DENND6A: variants seen among roughly 807,000 people sequenced by gnomAD.
DENND6A encodes protein DENND6A.
Under a neutral mutation model 95.5 loss-of-function variants are expected in DENND6A, and 43 were observed. The ratio of observed to expected loss-of-function variants is 0.45; its 90% CI spans 0.35 to 0.58. The LOEUF (loss-of-function observed/expected upper bound fraction) is 0.58. Among genes scored for constraint, DENND6A ranks in the 20% least tolerant of loss-of-function variants. DENND6A has a pLI of 0.00. For synonymous variants in DENND6A, 257 were observed against 260.4 expected (o/e 0.99, Z 0.13); for missense variants, 574 against 736.0 (o/e 0.78, Z 2.55).
At chr3:57,657,632 C>T (rs765190145) in intron 9 of DENND6A, 48 bp downstream of exon 9, 11 of 1,239,502 alleles carry the variant, frequency 8.9e-6, no homozygotes, top group South Asian at 2.7e-5. Flanking sequence ...TTAACACCAC[C>T]ACCACAAAGC....
At chr3:57,650,113 T>C (rs1478023875) in intron 9 of DENND6A, among the ~76,000 whole-genome samples, 2 of 151,936 alleles carry the variant, frequency 1.3e-5, no homozygotes, top group African/African-American at 2.4e-5. Context: ...ATAAGAATGA[T>C]ACTATGAACT....
chr3:57,647,881 G>A (rs1185749669), intron 9 of DENND6A, among the ~76,000 whole-genome samples: 2 of 151,968 alleles, frequency 1.3e-5, no homozygotes, highest in Admixed American at 1.3e-4. Context: ...AATCCAACAA[G>A]AAGAATCAGA....
chr3:57,637,703 A>G (rs1344642531), intron 12 of DENND6A, among the ~76,000 whole-genome samples: 2 of 151,478 alleles, frequency 1.3e-5, no homozygotes, highest in African/African-American at 2.4e-5. Flanking sequence ...TAAAAGATAT[A>G]TGAGATTTCA....
At chr3:57,634,470 A>G (rs2070751232) in intron 14 of DENND6A, 88 bp downstream of exon 14, 3 of 641,820 alleles carry the variant, frequency 4.7e-6, no homozygotes, top group Non-Finnish European at 6.9e-6. Context: ...CCTATTTCAC[A>G]TTAGTATACA....
chr3:57,653,815 G>A (rs116033457), intron 9 of DENND6A, among the ~76,000 whole-genome samples: 3,783 of 145,788 alleles, frequency 0.026, 168 homozygotes, highest in African/African-American at 0.092. Context: ...ATGAAGGTCT[G>A]TAAGGAAATC....
intron 12 of DENND6A, among the ~76,000 whole-genome samples, chr3:57,637,785 A>G (rs2070828737): frequency 6.9e-6 from 1 of 145,424 alleles, no homozygotes; most frequent in African/African-American, 2.5e-5. Flanking sequence ...AAAAAGCAGA[A>G]GAAAAAGAAC....
chr3:57,665,638 G>A (rs997229337), intron 4 of DENND6A, among the ~76,000 whole-genome samples: 1 of 152,074 alleles, frequency 6.6e-6, no homozygotes, highest in Non-Finnish European at 1.5e-5. Flanking sequence ...TGGATGTGCT[G>A]ATAGGGCATC....
chr3:57,628,874 G>C lies in DENND6A; in HGVS notation c.1632C>G (p.Leu544=). The change falls in exon 19 of 20, where the codon CTC becomes CTG. Residue 544 remains leucine, a synonymous_variant. Transcript: ENST00000311128. ...CTACTTCTGTGTGTTTCTGGATCCA[G>C]AGAAGTAAGTCCTAGAATAAATAAA... is the stretch of plus-strand genomic sequence containing the variant. ...LEALCEEDLL[L]WIQKHTEVET... is the part of the protein sequence containing the mutation. 1 of 1,612,758 alleles carries C rather than the reference G, an allele frequency of 6.2e-7. No individual in the cohort carries two copies. Among genetic ancestry groups the C allele is most frequent in the Non-Finnish European group, 8.5e-7 (1 of 1,179,666 alleles).
intron 12 of DENND6A, among the ~76,000 whole-genome samples, chr3:57,641,339 ATATT>A (rs1326088729): frequency 2.8e-5 from 4 of 144,890 alleles, no homozygotes; most frequent in Non-Finnish European, 6.0e-5. Context: ...ATTAAAATAT[ATATT>A]TAAGTATATA....
chr3:57,662,362 T>G (rs1412861204), intron 5 of DENND6A, among the ~76,000 whole-genome samples: 2 of 151,732 alleles, frequency 1.3e-5, no homozygotes, highest in African/African-American at 2.4e-5. Flanking sequence ...GGCTATTTTT[T>G]GGGGGTCAGG....
rs558567418 is a variant in DENND6A, at chr3:57,679,762, T to C, written c.238-7324A>G. ...AGGAGAGAGAAGACTATGTAGGGGA[T>C]TGTGGGCTACATTAAAGAAGCTGCT... On this transcript the variant is annotated intron_variant, in intron 1 of 19. Transcript: ENST00000311128. Among the ~76,000 whole-genome samples, 9 of 152,284 alleles carry C rather than the reference T, an allele frequency of 5.9e-5. No individual in the cohort carries two copies. The East Asian group carries it at 1.7e-3, about 29-fold the overall frequency.
At chr3:57,691,302 TTAATAAGA>T (rs770512318) in intron 1 of DENND6A, among the ~76,000 whole-genome samples, 76 of 152,326 alleles carry the variant, frequency 5.0e-4, no homozygotes, top group Admixed American at 1.1e-3. Flanking sequence ...TTTTCTTACT[TTAATAAGA>T]TAAAGAATTG....
rs1357320974 is a variant in DENND6A, at chr3:57,628,825, G to A, written c.1681C>T (p.Leu561=). The change falls in exon 19 of 20, where the codon CTG becomes TTG. Residue 561 remains leucine, a synonymous_variant. Coordinates refer to ENST00000311128, the MANE Select transcript of DENND6A (RefSeq NM_152678.3). ...TGGCTACATACCAGCTTATTTTTCAGCTTCAAGACAAGGTCTACTGTTTCT... is the reference window on the plus strand; with the variant it reads ...TGGCTACATACCAGCTTATTTTTCAACTTCAAGACAAGGTCTACTGTTTCT... The part of the protein sequence containing the change: ...EVETVDLVLK[L]KNKLLQADRE... 5.6e-6 allele frequency: 9 copies of A among 1,611,778 alleles called. No individual in the cohort carries two copies. Among genetic ancestry groups the A allele is most frequent in the Middle Eastern group, 3.3e-4 (2 of 6,076 alleles).
In DENND6A at chr3:57,655,798, T is replaced by C. The variant is rs143476431; in HGVS notation, c.818+1882A>G. Among the ~76,000 whole-genome samples the C allele has an allele frequency of 5.0e-3, 763 of 152,258 alleles. 2 individuals carry two copies. The highest frequency in any genetic ancestry group is 0.01 in the Middle Eastern group (3 of 294). Reference sequence around the variant, plus strand: ...CTTCTGATTCTGACCATTTCAGATATGGGATATGCAAGATTACCACAAAAG... The same window carrying C: ...CTTCTGATTCTGACCATTTCAGATACGGGATATGCAAGATTACCACAAAAG... On this transcript the variant is annotated intron_variant, in intron 9 of 19. Transcript: ENST00000311128.
intron 1 of DENND6A, among the ~76,000 whole-genome samples, chr3:57,691,337 T>G (rs2077262323): frequency 6.6e-6 from 1 of 152,250 alleles, no homozygotes; most frequent in African/African-American, 2.4e-5. Context: ...TATTCACCTA[T>G]TCTATCAAAA....
In DENND6A at chr3:57,641,719, G is replaced by C; in HGVS notation, c.1066C>G (p.Pro356Ala). 1.2e-6 allele frequency: 2 copies of C among 1,613,146 alleles called. No individual in the cohort carries two copies. Among genetic ancestry groups the C allele is most frequent in the Non-Finnish European group, 1.7e-6 (2 of 1,179,586 alleles). Residue 356 changes from proline (P) to alanine (A), a missense_variant, in exon 12 of 20, where the codon CCT becomes GCT. This residue lies in a region of DENND6A where 452 missense variants were observed against 630.9 expected (regional missense o/e 0.72). Coordinates refer to ENST00000311128, the MANE Select transcript of DENND6A (RefSeq NM_152678.3). ...PPSVILGVTN[P>A]FFAKTLQHWP... ...TGCTGGAGTGTCTTAGCAAAAAAAGGGTTGGTTACTCCTAATATAACTGAG... is the reference window on the plus strand; with the variant it reads ...TGCTGGAGTGTCTTAGCAAAAAAAGCGTTGGTTACTCCTAATATAACTGAG...
At chr3:57,630,882 A>C in intron 16 of DENND6A, 43 bp downstream of exon 16, 1 of 1,610,698 alleles carries the variant, frequency 6.2e-7, no homozygotes, top group Non-Finnish European at 8.5e-7. Flanking sequence ...CACAGAAGTT[A>C]ATTACAGTTA....
chr3:57,630,009 T>C (rs2070631077), intron 18 of DENND6A, among the ~76,000 whole-genome samples: 1 of 152,144 alleles, frequency 6.6e-6, no homozygotes, highest in Non-Finnish European at 1.5e-5. Context: ...TGTGGTGTAG[T>C]ACTCCCACTG....
At position 57,646,378 on chromosome 3, in the gene DENND6A, C is replaced by T. The variant is rs1186892804; in HGVS notation, c.879G>A (p.Glu293=). 2 of 1,614,102 alleles carry T rather than the reference C, an allele frequency of 1.2e-6. No homozygotes were observed. The highest frequency in any genetic ancestry group is 1.7e-6 in the Non-Finnish European group (2 of 1,180,008). Residue 293 remains glutamate (E), a synonymous_variant, in exon 10 of 20, where the codon GAG becomes GAA. Coordinates refer to ENST00000311128, the MANE Select transcript of DENND6A (RefSeq NM_152678.3). ...GTGATGGCGCCATAACCACAAGGGG[C>T]TCCCCCAACAGCACCAGCTCCCAGA... The part of the protein sequence containing the change: ...QMLWELVLLG[E]PLVVMAPSPS...
Sources: gnomAD v4.1 joint callset for allele counts (sites outside exome capture counted in the v4.1 genomes callset) on GRCh38, gnomAD v4.1.1 for gene constraint, gnomAD v4.1.1 regional missense constraint, MANE v1.5 for transcripts, NCBI Gene and HGNC (gene_info 2026-07-23, HGNC 2026-07-21) for gene names.